Variants in MYO1G observed in about 807,000 individuals in gnomAD.
The protein encoded by MYO1G is unconventional myosin-Ig.
MYO1G carries 65 observed loss-of-function variants against 115.3 expected under a neutral mutation model. The ratio of observed to expected loss-of-function variants is 0.56; its 90% CI spans 0.46 to 0.69. The LOEUF (loss-of-function observed/expected upper bound fraction) is 0.69, where lower values mean the gene tolerates loss of function less well. MYO1G is among the 30% of genes least tolerant of loss of function. The probability of loss-of-function intolerance (pLI) is 0.00; values close to 1 mark genes in which losing one functional copy is unlikely to be tolerated. For synonymous variants in MYO1G, 510 were observed against 552.6 expected (o/e 0.92, Z 1.08); for missense variants, 1,204 against 1,393.5 (o/e 0.86, Z 2.16).
rs1421091899 is a variant in MYO1G, at chr7:44,965,782, G to A, written c.2236C>T (p.His746Tyr). The A allele has an allele frequency of 6.2e-7, 1 of 1,606,470 alleles. No homozygotes were observed. Among genetic ancestry groups the A allele is most frequent in the Admixed American group, 1.7e-5 (1 of 60,024 alleles). ...TCAGCCAGGTGAGCCCGCACCTTGT[G>A]TCTCCGGAACCAGCGCATGATGGTG... ...IYTIMRWFRR[H>Y]KVRAHLAELQ... The change falls in exon 17 of 22, where the codon CAC (histidine) becomes TAC (tyrosine). Residue 746 changes from histidine to tyrosine, a missense_variant. Coordinates refer to ENST00000258787, the MANE Select transcript of MYO1G (RefSeq NM_033054.3).
At position 44,965,730 on chromosome 7, in the gene MYO1G, C is replaced by T. The variant is rs1181665721; in HGVS notation, c.2288G>A (p.Arg763Lys). Residue 763 changes from arginine to lysine, a missense_variant, in exon 17 of 22, where the codon AGG becomes AAG. Arg to Lys is a conservative substitution (Grantham distance 26). Transcript: ENST00000258787. ...GTCACGCCCGTAGAGTGGCGGCTGC[C>T]TTGCAGCCTGGAATCGCCGCTGCAG... ...AELQRRFQAARQPPLYGRDLV... is the reference protein window; with the variant it reads ...AELQRRFQAAKQPPLYGRDLV... 1 of 1,611,420 alleles carries T rather than the reference C, an allele frequency of 6.2e-7. No homozygotes were observed. Among genetic ancestry groups the T allele is most frequent in the East Asian group, 2.2e-5 (1 of 44,862 alleles).
At position 44,964,989 on chromosome 7, in the gene MYO1G, C is replaced by T. The variant is rs1477062526; in HGVS notation, c.2482G>A (p.Asp828Asn). 6.2e-7 allele frequency: 1 copy of T among 1,608,878 alleles called. No individual in the cohort carries two copies. The highest frequency in any genetic ancestry group is 1.3e-5 in the African/African-American group (1 of 74,862). The change falls in exon 18 of 22, where the codon GAC becomes AAC. Residue 828 changes from aspartate to asparagine, a missense_variant. By Grantham distance (23) the Asp-to-Asn change is conservative. Transcript: ENST00000258787. The surrounding 1 kb of genome is among the most constrained non-coding windows in gnomAD (Gnocchi z 5.1). Reference sequence around the variant, plus strand: ...GCCCAGGCCCGTCGGCAGCCCCAGTCCTGACGAAGCCCTTGCAGGGCCCCC... The same window carrying T: ...GCCCAGGCCCGTCGGCAGCCCCAGTTCTGACGAAGCCCTTGCAGGGCCCCC... ...AMGALQGLRQDWGCRRAWARD... is the reference protein window; with the variant it reads ...AMGALQGLRQNWGCRRAWARD...
chr7:44,966,037 T>C lies in MYO1G; in HGVS notation c.2157+36A>G. 2 of 1,601,918 alleles carry C rather than the reference T, an allele frequency of 1.2e-6. No individual in the cohort carries two copies. Among genetic ancestry groups the C allele is most frequent in the Non-Finnish European group, 1.7e-6 (2 of 1,176,496 alleles). Reference sequence around the variant, plus strand: ...CCCTGGGACACAAGCTTTCCCCACCTCCATAGTGGATGTCTTCCTGCCCCG... The same window carrying C: ...CCCTGGGACACAAGCTTTCCCCACCCCCATAGTGGATGTCTTCCTGCCCCG... On this transcript the variant is annotated intron_variant, in intron 16 of 21. Coordinates refer to ENST00000258787, the MANE Select transcript of MYO1G (RefSeq NM_033054.3). The surrounding 1 kb of genome is among the most constrained non-coding windows in gnomAD (Gnocchi z 5.0).
rs1321595885 is a variant in MYO1G at position 44,972,013 on chromosome 7, T to A, written c.729+102A>T. On this transcript the variant is annotated intron_variant, in intron 6 of 21. Transcript: ENST00000258787. The stretch of plus-strand genomic sequence containing the variant: ...CACCCTCCCCACTCACGCAAACAGT[T>A]CACTTCACCCTGGCCTGTGCTGAGT... 4.1e-6 allele frequency: 4 copies of A among 977,542 alleles called. No homozygotes were observed. In the East Asian group the frequency reaches 9.6e-5, roughly 23 times the overall value. 60.6% of individuals were successfully genotyped at this position (977,542 alleles called of 1,614,324 possible). A position where few individuals can be genotyped will look rare whatever the true frequency, so the allele number is the denominator to read the frequency against.
rs1794776075 is a variant in MYO1G, at chr7:44,963,024, G to A, written c.2846C>T (p.Pro949Leu). 6.5e-7 allele frequency: 1 copy of A among 1,532,350 alleles called. No individual in the cohort carries two copies. The highest frequency in any genetic ancestry group is 8.7e-7 in the Non-Finnish European group (1 of 1,144,110). 94.9% of individuals were successfully genotyped at this position (1,532,350 alleles called of 1,614,324 possible). A position where few individuals can be genotyped will look rare whatever the true frequency, so the allele number is the denominator to read the frequency against. The change falls in exon 21 of 22, where the codon CCA (proline) becomes CTA (leucine). Residue 949 changes from proline to leucine, a missense_variant. By Grantham distance (98) the Pro-to-Leu change is moderately conservative (BLOSUM62 -3). Transcript: ENST00000258787. This position sits in a 1 kb window ranked among gnomAD's most constrained non-coding sequence, Gnocchi z 4.1. ...LVVCLHRSRPPLDNRVGELVG... is the reference protein window; with the variant it reads ...LVVCLHRSRPLLDNRVGELVG... The stretch of plus-strand genomic sequence containing the variant: ...CAGCTCCCCAACGCGGTTGTCCAAT[G>A]GCGGCCGGGAGCGGTGCAGGCACAC...
intron 14 of MYO1G, among the ~76,000 whole-genome samples, chr7:44,967,387 C>G (rs1000654347): frequency 6.6e-6 from 1 of 152,182 alleles, no homozygotes; most frequent in African/African-American, 2.4e-5. Context: ...GCCTGGGTTC[C>G]CCATGATTGA....
rs1175650318 is a variant in MYO1G at position 44,975,230 on chromosome 7, G to A, written c.565-3C>T. 1 of 1,614,056 alleles carries A rather than the reference G, an allele frequency of 6.2e-7. No individual in the cohort carries two copies. The highest frequency in any genetic ancestry group is 1.7e-5 in the Admixed American group (1 of 60,032). On this transcript the variant is annotated splice_region_variant and splice_polypyrimidine_tract_variant and intron_variant, in intron 4 of 21. Coordinates refer to ENST00000258787, the MANE Select transcript of MYO1G (RefSeq NM_033054.3). ...ACGTGCTGCTTGAGGACCCGAGACT[G>A]AGGAGAGAGGGGCAGATGGACTCAG...
rs1265444844 is a variant in MYO1G at position 44,976,875 on chromosome 7, T to A, written c.292A>T (p.Ile98Phe). 3 of 1,613,260 alleles carry A rather than the reference T, an allele frequency of 1.9e-6. No homozygotes were observed. The highest frequency in any genetic ancestry group is 2.2e-5 in the East Asian group (1 of 44,894). Residue 98 changes from isoleucine to phenylalanine, a missense_variant, in exon 2 of 22, where the codon ATC (isoleucine) becomes TTC (phenylalanine). Coordinates refer to ENST00000258787, the MANE Select transcript of MYO1G (RefSeq NM_033054.3). ...AMKHRSRDTC[I>F]VISGESGAGK... ...CAGGGACAGGTACCTGAGATGACGA[T>A]GCAGGTGTCCCTGGACCGGTGCTTC...
chr7:44,963,218 C>A lies in MYO1G; in HGVS notation c.2746-94G>T, dbSNP rs960828355. 7.4e-6 allele frequency: 10 copies of A among 1,359,806 alleles called. No individual in the cohort carries two copies. 84.2% of individuals were successfully genotyped at this position (1,359,806 alleles called of 1,614,324 possible). A position where few individuals can be genotyped will look rare whatever the true frequency, so the allele number is the denominator to read the frequency against. On this transcript the variant is annotated intron_variant, in intron 20 of 21. Coordinates refer to ENST00000258787, the MANE Select transcript of MYO1G (RefSeq NM_033054.3). This position sits in a 1 kb window ranked among gnomAD's most constrained non-coding sequence, Gnocchi z 4.1. ...TCCCCAGGAAGCCTCTGCCGAACCC[C>A]CAACCGCACCCGGGGAGCGCCGCCC... is the stretch of plus-strand genomic sequence containing the variant.
chr7:44,978,212 G>A (rs1379179583), intron 1 of MYO1G, among the ~76,000 whole-genome samples: 1 of 152,110 alleles, frequency 6.6e-6, no homozygotes, highest in Non-Finnish European at 1.5e-5. Context: ...TGCCTGTATG[G>A]CCACCCTACT....
In MYO1G at chr7:44,969,696, C is replaced by T. The variant is rs772059244; in HGVS notation, c.1503+9G>A. 1.9e-5 allele frequency: 31 copies of T among 1,610,282 alleles called. 1 individual carries two copies. The South Asian group carries it at 2.0e-4, about 10-fold the overall frequency. On this transcript the variant is annotated intron_variant, in intron 11 of 21. Transcript: ENST00000258787. This position sits in a 1 kb window ranked among gnomAD's most constrained non-coding sequence, Gnocchi z 5.0. Reference sequence around the variant, plus strand: ...CCCACTGTGGTGGCACTGGGACAGCCGGGGGCACCTGGCGGCTGGTGTAGT... The same window carrying T: ...CCCACTGTGGTGGCACTGGGACAGCTGGGGGCACCTGGCGGCTGGTGTAGT...
Position 44,964,207 on chromosome 7 carries a change from C to A in MYO1G, c.2632-45G>T, listed in dbSNP as rs769316087. The A allele has an allele frequency of 6.6e-7, 1 of 1,507,880 alleles. No homozygotes were observed. Among genetic ancestry groups the A allele is most frequent in the East Asian group, 2.4e-5 (1 of 41,438 alleles). The allele number at this position is 1,507,880 out of a possible 1,614,324, so 93.4% of individuals were successfully genotyped here. On this transcript the variant is annotated intron_variant, in intron 19 of 21. Coordinates refer to ENST00000258787, the MANE Select transcript of MYO1G (RefSeq NM_033054.3). The surrounding 1 kb of genome is among the most constrained non-coding windows in gnomAD (Gnocchi z 5.1). ...ACCCAGGCTGGTGCTGCCCTGTCAC[C>A]CACCAGGGCCCCAGGCTTCGGCAGT...
chr7:44,975,023 G>A (rs373232999), intron 5 of MYO1G, 151 bp downstream of exon 5: 1 of 780,202 alleles, frequency 1.3e-6, no homozygotes, highest in South Asian at 1.5e-5. Context: ...TGGGGTGAGT[G>A]TGGTGGGGAG....
chr7:44,965,541 G>T (rs893431500), intron 17 of MYO1G, 96 bp downstream of exon 17: 1 of 1,175,078 alleles, frequency 8.5e-7, no homozygotes, highest in East Asian at 2.4e-5. Flanking sequence ...GGGGGCTGGT[G>T]TATCTCCCAT....
intron 3 of MYO1G, 95 bp downstream of exon 3, chr7:44,976,469 G>T: frequency 8.4e-7 from 1 of 1,185,404 alleles, no homozygotes; most frequent in Non-Finnish European, 1.3e-6. Flanking sequence ...CTAGACTCCA[G>T]TTGCCGTCTC....
intron 2 of MYO1G, 32 bp downstream of exon 2, chr7:44,976,831 G>A (rs769712114): frequency 6.2e-6 from 10 of 1,609,946 alleles, no homozygotes; most frequent in East Asian, 2.2e-5. Flanking sequence ...TGAAGATGCC[G>A]AGGGTGGGGG....
rs1340978754 is a variant in MYO1G at position 44,963,894 on chromosome 7, G to C, written c.2745+155C>G. 4.6e-6 allele frequency: 3 copies of C among 651,004 alleles called. No homozygotes were observed. The highest frequency in any genetic ancestry group is 8.1e-6 in the Non-Finnish European group (3 of 369,882). 40.3% of individuals were successfully genotyped at this position (651,004 alleles called of 1,614,324 possible). ...CACTCTGTGGGCGTGGGAAGCCACT[G>C]CAGGATTTTCAGCACGGGTGCCACC... On this transcript the variant is annotated intron_variant, in intron 20 of 21. Transcript: ENST00000258787. The surrounding 1 kb of genome is among the most constrained non-coding windows in gnomAD (Gnocchi z 4.1).
At position 44,977,082 on chromosome 7, in the gene MYO1G, C is replaced by G; in HGVS notation, c.96-11G>C. On this transcript the variant is annotated splice_polypyrimidine_tract_variant and intron_variant, in intron 1 of 21. Coordinates refer to ENST00000258787, the MANE Select transcript of MYO1G (RefSeq NM_033054.3). ...CGGCCCTTCTCGAACCTGGACACAGCAGGGGTAGGCCTCAGCACTCACAGG... is the reference window on the plus strand; with the variant it reads ...CGGCCCTTCTCGAACCTGGACACAGGAGGGGTAGGCCTCAGCACTCACAGG... 6.2e-7 allele frequency: 1 copy of G among 1,611,568 alleles called. No homozygotes were observed.
chr7:44,971,608 G>T, intron 7 of MYO1G, 65 bp downstream of exon 7: 1 of 1,213,910 alleles, frequency 8.2e-7, no homozygotes, highest in Non-Finnish European at 1.2e-6. Flanking sequence ...CTCATCCCTG[G>T]GTGCTTCCCA....
Sources: gnomAD v4.1 joint callset for allele counts (sites outside exome capture counted in the v4.1 genomes callset) on GRCh38, gnomAD v4.1.1 for gene constraint, Gnocchi (gnomAD v3.1) non-coding constraint, MANE v1.5 for transcripts, NCBI Gene and HGNC (gene_info 2026-07-23, HGNC 2026-07-21) for gene names.